Variants in USP34 observed in about 807,000 individuals in gnomAD.
USP34 encodes the protein ubiquitin carboxyl-terminal hydrolase 34.
A neutral mutation model predicts 460.3 loss-of-function variants in USP34; 70 were observed. The ratio of observed to expected loss-of-function variants is 0.15; its 90% confidence interval spans 0.13 to 0.19. The LOEUF is 0.19. Among genes scored for constraint, USP34 ranks in the 10% least tolerant of loss-of-function variants. The pLI, the probability that USP34 is intolerant of heterozygous loss-of-function variation, is 1.00. For synonymous variants in USP34, 1,647 were observed against 1,405.3 expected (o/e 1.17, Z -3.85); for missense variants, 3,985 against 4,236.2 (o/e 0.94, Z 1.65).
At chr2:61,247,995 T>C (rs1213874614) in intron 49 of USP34, among the ~76,000 whole-genome samples, 1 of 151,940 alleles carries the variant, frequency 6.6e-6, no homozygotes, top group Non-Finnish European at 1.5e-5. Context: ...GAGACCAACC[T>C]AGCCAACACG....
intron 1 of USP34, among the ~76,000 whole-genome samples, chr2:61,427,890 CA>C (rs1177771061): frequency 2.0e-5 from 3 of 152,102 alleles, no homozygotes; most frequent in African/African-American, 7.2e-5. Flanking sequence ...TGGCCAGGCA[CA>C]GTGGCTCACA....
At chr2:61,397,308 T>C (rs1236048611) in intron 3 of USP34, among the ~76,000 whole-genome samples, 2 of 151,786 alleles carry the variant, frequency 1.3e-5, no homozygotes, top group Non-Finnish European at 2.9e-5. Flanking sequence ...CCAGGTGTGA[T>C]GGTAGGCACC....
At chr2:61,233,739 G>A (rs1249077276) in intron 57 of USP34, among the ~76,000 whole-genome samples, 1 of 151,936 alleles carries the variant, frequency 6.6e-6, no homozygotes, top group Admixed American at 6.6e-5. Context: ...GGAGGAGGCT[G>A]AGGCAGGATT....
intron 61 of USP34, among the ~76,000 whole-genome samples, chr2:61,227,569 G>C (rs1007692174): frequency 6.6e-6 from 1 of 152,086 alleles, no homozygotes; most frequent in Admixed American, 6.6e-5. Context: ...AAATTAGCCA[G>C]GCGTGGTGGC....
intron 10 of USP34, among the ~76,000 whole-genome samples, chr2:61,353,438 C>A (rs1251799841): frequency 6.7e-6 from 1 of 149,496 alleles, no homozygotes; most frequent in Admixed American, 6.7e-5. Context: ...GTCACCCAGG[C>A]TGGAGTGCAG....
chr2:61,290,919 A>T (rs1198596922), intron 33 of USP34, among the ~76,000 whole-genome samples: 3 of 152,148 alleles, frequency 2.0e-5, no homozygotes, highest in African/African-American at 7.2e-5. Flanking sequence ...TTTTGTAGAT[A>T]CAACATCAAA....
intron 2 of USP34, among the ~76,000 whole-genome samples, chr2:61,413,480 G>A (rs912957509): frequency 8.7e-5 from 13 of 149,862 alleles, no homozygotes; most frequent in African/African-American, 3.2e-4. Context: ...GCCAAGGCGG[G>A]TGGACTGCCT....
intron 2 of USP34, chr2:61,417,454 T>C (rs934803239): frequency 4.1e-5 from 14 of 343,276 alleles, no homozygotes; most frequent in African/African-American, 2.7e-4. Context: ...ATGACACAGA[T>C]AATACTTGAT....
At chr2:61,397,022 G>A (rs1439988021) in intron 3 of USP34, among the ~76,000 whole-genome samples, 1 of 152,080 alleles carries the variant, frequency 6.6e-6, no homozygotes, top group East Asian at 1.9e-4. Flanking sequence ...GAAAATTTAT[G>A]ATCATGATCT....
intron 1 of USP34, among the ~76,000 whole-genome samples, chr2:61,450,810 G>A (rs761667320): frequency 3.4e-5 from 5 of 148,988 alleles, no homozygotes; most frequent in African/African-American, 5.0e-5. Context: ...GAAAGACACC[G>A]TAAGATGTCA....
At chr2:61,435,454 T>TAA (rs372905001) in intron 1 of USP34, among the ~76,000 whole-genome samples, 4 of 142,432 alleles carry the variant, frequency 2.8e-5, no homozygotes, top group African/African-American at 7.8e-5. Flanking sequence ...GTTAAAGTAC[T>TAA]AAAAAAAAAA....
At chr2:61,296,282 A>T (rs74768701) in intron 30 of USP34, among the ~76,000 whole-genome samples, 47 of 141,120 alleles carry the variant, frequency 3.3e-4, no homozygotes, top group South Asian at 7.3e-4. Flanking sequence ...ATAAATAAAT[A>T]AATTAAAACA....
intron 19 of USP34, 57 bp from the exon 20 acceptor site, chr2:61,331,428 T>A: frequency 3.5e-6 from 5 of 1,434,452 alleles, no homozygotes; most frequent in Non-Finnish European, 4.7e-6. Context: ...AGAATAAATC[T>A]ATGCTATGAC....
At chr2:61,470,504 A>T in intron 1 of USP34, 146 bp downstream of exon 1, 2 of 211,756 alleles carry the variant, frequency 9.4e-6, no homozygotes, top group Non-Finnish European at 1.8e-5. Context: ...CGGCCGCGCC[A>T]CCGCGCACCT....
chr2:61,364,483 T>C (rs370513900), intron 10 of USP34, among the ~76,000 whole-genome samples: 226 of 152,358 alleles, frequency 1.5e-3, no homozygotes, highest in African/African-American at 5.2e-3. Flanking sequence ...TGCATACAGA[T>C]AGTGGTGATA....
intron 6 of USP34, among the ~76,000 whole-genome samples, chr2:61,382,815 AC>A (rs1693012857): frequency 2.0e-5 from 3 of 151,892 alleles, no homozygotes; most frequent in Admixed American, 2.0e-4. Context: ...ACTGTAACCC[AC>A]CCCCTAGAAC....
intron 69 of USP34, among the ~76,000 whole-genome samples, chr2:61,210,951 A>G (rs1687257811): frequency 6.6e-6 from 1 of 152,180 alleles, no homozygotes. Flanking sequence ...TCTTTTTTGA[A>G]ATAAAGCTTT....
At chr2:61,333,860 C>CT in intron 19 of USP34, 22 bp downstream of exon 19, 1 of 1,435,990 alleles carries the variant, frequency 7.0e-7, no homozygotes, top group Non-Finnish European at 9.3e-7. Context: ...AAAATAAATA[C>CT]TTTTTTCTTT....
intron 43 of USP34, among the ~76,000 whole-genome samples, chr2:61,260,615 C>T (rs1297000183): frequency 1.3e-5 from 2 of 152,022 alleles, no homozygotes; most frequent in Non-Finnish European, 2.9e-5. Flanking sequence ...ATCTGTTCAG[C>T]ATATAATTAC....
Sources: gnomAD v4.1 joint callset for allele counts (sites outside exome capture counted in the v4.1 genomes callset) on GRCh38, gnomAD v4.1.1 for gene constraint, MANE v1.5 for transcripts, NCBI Gene and HGNC (gene_info 2026-07-23, HGNC 2026-07-21) for gene names.